AUTS2: variants seen among roughly 807,000 people sequenced by gnomAD.
The protein encoded by AUTS2 is activator of transcription and developmental regulator AUTS2, also known as autism susceptibility gene 2 protein.
In AUTS2, 17 loss-of-function variants were observed where a neutral mutation model predicts 112.4. The ratio of observed to expected loss-of-function variants is 0.15; its 90% CI spans 0.10 to 0.23. AUTS2 has a LOEUF of 0.23. AUTS2 is among the 10% of genes least tolerant of loss of function. The pLI, the probability that AUTS2 is intolerant of heterozygous loss-of-function variation, is 1.00. For missense variants in AUTS2, 1,510 were observed against 1,701.6 expected, an observed-to-expected ratio of 0.89 and a Z score of 1.98; for synonymous variants, 751 against 702.7, an observed-to-expected ratio of 1.07 and a Z score of -1.09.
intron 5 of AUTS2, among the ~76,000 whole-genome samples, chr7:70,523,253 C>T (rs1268843402): frequency 6.6e-6 from 1 of 152,086 alleles, no homozygotes; most frequent in South Asian, 2.1e-4. Flanking sequence ...GGTGGTCAGA[C>T]TTGATCCAGG....
chr7:70,609,640 G>T (rs1318302713), intron 5 of AUTS2, among the ~76,000 whole-genome samples: 1 of 151,472 alleles, frequency 6.6e-6, no homozygotes, highest in Non-Finnish European at 1.5e-5. Flanking sequence ...TGTTAGCCAG[G>T]ATGGTCTCCA....
chr7:69,704,854 C>T (rs76401414), intron 1 of AUTS2, among the ~76,000 whole-genome samples: 2,245 of 152,198 alleles, frequency 0.015, 21 homozygotes, highest in Non-Finnish European at 0.024. Context: ...TCTGTGCTTT[C>T]CTTGTATGTT....
intron 5 of AUTS2, among the ~76,000 whole-genome samples, chr7:70,540,017 G>A (rs1800485947): frequency 6.6e-6 from 1 of 152,136 alleles, no homozygotes; most frequent in South Asian, 2.1e-4. Context: ...TTGTGGTGTT[G>A]AAGGTTTCTT....
chr7:70,224,330 A>C (rs943784565), intron 4 of AUTS2, among the ~76,000 whole-genome samples: 4 of 136,254 alleles, frequency 2.9e-5, no homozygotes, highest in Non-Finnish European at 6.2e-5. Flanking sequence ...AATACAGTAC[A>C]GTACAATACA....
At chr7:70,590,167 T>C (rs1334906496) in intron 5 of AUTS2, among the ~76,000 whole-genome samples, 1 of 151,902 alleles carries the variant, frequency 6.6e-6, no homozygotes. Flanking sequence ...TGTATATATA[T>C]ATATATATGT....
At chr7:70,046,829 C>A (rs1447229675) in intron 2 of AUTS2, among the ~76,000 whole-genome samples, 1 of 152,068 alleles carries the variant, frequency 6.6e-6, no homozygotes, top group Non-Finnish European at 1.5e-5. Flanking sequence ...GAGATGATGA[C>A]CTCTTAATCT....
At chr7:70,177,219 G>C (rs191978557) in intron 4 of AUTS2, among the ~76,000 whole-genome samples, 1 of 152,314 alleles carries the variant, frequency 6.6e-6, no homozygotes, top group African/African-American at 2.4e-5. Flanking sequence ...GCCAAGTACT[G>C]TTCTAAGCAT....
chr7:69,892,170 AT>A (rs35883320), intron 1 of AUTS2, among the ~76,000 whole-genome samples: 32,422 of 125,210 alleles, frequency 0.26, 4,325 homozygotes, highest in African/African-American at 0.41. Flanking sequence ...AGTTTTGAGA[AT>A]TTTTTTTTTT....
intron 6 of AUTS2, among the ~76,000 whole-genome samples, chr7:70,708,508 C>T (rs1195599938): frequency 3.3e-5 from 5 of 151,948 alleles, no homozygotes; most frequent in Non-Finnish European, 7.4e-5. Flanking sequence ...ATAGATGACA[C>T]CCACCTGACC....
intron 5 of AUTS2, among the ~76,000 whole-genome samples, chr7:70,441,051 G>T (rs955110126): frequency 6.6e-6 from 1 of 152,214 alleles, no homozygotes; most frequent in African/African-American, 2.4e-5. Flanking sequence ...GAAAGTTGTG[G>T]AGATGTTGCC....
chr7:70,031,878 C>A (rs1584608574), intron 2 of AUTS2, among the ~76,000 whole-genome samples: 1 of 152,228 alleles, frequency 6.6e-6, no homozygotes, highest in Non-Finnish European at 1.5e-5. Context: ...ATGAAAACTA[C>A]ACTAAAACTT....
chr7:70,669,281 G>T (rs1807512116), intron 5 of AUTS2, among the ~76,000 whole-genome samples: 1 of 152,308 alleles, frequency 6.6e-6, no homozygotes, highest in East Asian at 1.9e-4. Flanking sequence ...CATTACCCCA[G>T]TGTTTTTTAT....
intron 1 of AUTS2, among the ~76,000 whole-genome samples, chr7:69,868,332 A>G (rs1793329266): frequency 6.6e-6 from 1 of 152,212 alleles, no homozygotes; most frequent in South Asian, 2.1e-4. Context: ...ATATATCACA[A>G]GCACCTGTGT....
chr7:69,675,505 GTTTTTTTTTTTT>G (rs751222506), intron 1 of AUTS2, among the ~76,000 whole-genome samples: 1 of 114,220 alleles, frequency 8.8e-6, no homozygotes, highest in Admixed American at 8.8e-5. Context: ...TTGGCTGAGG[GTTTTTTTTTTTT>G]TTTTTTTTTG....
chr7:70,492,717 T>C (rs1351891998), intron 5 of AUTS2, among the ~76,000 whole-genome samples: 1 of 152,142 alleles, frequency 6.6e-6, no homozygotes, highest in Non-Finnish European at 1.5e-5. Flanking sequence ...CACTGTGAAC[T>C]GCTGTCTGAG....
chr7:70,157,461 ATTAT>A (rs1807842495), intron 4 of AUTS2, among the ~76,000 whole-genome samples: 1 of 151,498 alleles, frequency 6.6e-6, no homozygotes, highest in South Asian at 2.1e-4. Flanking sequence ...TTATTGTTTT[ATTAT>A]TTATTTATTT....
intron 4 of AUTS2, among the ~76,000 whole-genome samples, chr7:70,156,867 G>C (rs1357949565): frequency 9.3e-6 from 1 of 107,464 alleles, no homozygotes; most frequent in Non-Finnish European, 1.7e-5. Flanking sequence ...GGCCAACATA[G>C]TGAAACCCCA....
At chr7:69,887,788 C>T (rs1794341106) in intron 1 of AUTS2, among the ~76,000 whole-genome samples, 1 of 152,094 alleles carries the variant, frequency 6.6e-6, no homozygotes, top group Non-Finnish European at 1.5e-5. Context: ...TAGTGAGGTA[C>T]TGAGATCCAG....
At chr7:69,929,165 T>C (rs1017533744) in intron 2 of AUTS2, among the ~76,000 whole-genome samples, 1 of 152,228 alleles carries the variant, frequency 6.6e-6, no homozygotes, top group African/African-American at 2.4e-5. Context: ...ACAGTTACTT[T>C]TTCTTTTAGT....
Sources: gnomAD v4.1 joint callset for allele counts (sites outside exome capture counted in the v4.1 genomes callset) on GRCh38, gnomAD v4.1.1 for gene constraint, MANE v1.5 for transcripts, NCBI Gene and HGNC (gene_info 2026-07-23, HGNC 2026-07-21) for gene names.